SWAP70: variants seen among roughly 807,000 people sequenced by gnomAD.
The protein encoded by SWAP70 is switch-associated protein 70.
In SWAP70, 34 loss-of-function variants were observed where a neutral mutation model predicts 80.2. The observed-to-expected ratio is 0.42, with a 90% CI of 0.32 to 0.56. The LOEUF is 0.56. Among genes scored for constraint, SWAP70 ranks in the 20% least tolerant of loss-of-function variants. The pLI is 0.09. For synonymous variants in SWAP70, 239 were observed against 238.5 expected, an observed-to-expected ratio of 1.00 and a Z score of -0.02; for missense variants, 578 against 690.7, an observed-to-expected ratio of 0.84 and a Z score of 1.83.
chr11:9,664,322 G>A, intron 1 of SWAP70, 44 bp downstream of exon 1: 1 of 1,535,884 alleles, frequency 6.5e-7, no homozygotes, highest in Middle Eastern at 1.9e-4. Context: ...CCTCCCCGGC[G>A]CGCTCTGTAC....
chr11:9,704,132 TCCCA>T (rs1850868842), intron 2 of SWAP70, among the ~76,000 whole-genome samples: 2 of 152,184 alleles, frequency 1.3e-5, no homozygotes, highest in African/African-American at 4.8e-5. Context: ...TCTGAGAATT[TCCCA>T]GTATGTTCTA....
rs1233891469 is a variant in SWAP70, at chr11:9,675,334, A to C, written c.99+11056A>C. On this transcript the variant is annotated intron_variant, in intron 1 of 11. Transcript: ENST00000318950. ...CAGAGAGGGAGCGAGAGAGAGAGAGAGAGAGAGGGAGCGAGAGAGAGAGAG... is the reference window on the plus strand; with the variant it reads ...CAGAGAGGGAGCGAGAGAGAGAGAGCGAGAGAGGGAGCGAGAGAGAGAGAG... 3.1e-4 allele frequency among the ~76,000 whole-genome samples: 22 copies of C among 70,256 alleles called. 4 individuals are homozygous for C. Among genetic ancestry groups the C allele is most frequent in the South Asian group, 8.9e-4 (1 of 1,126 alleles). 46.1% of individuals were successfully genotyped at this position (70,256 alleles called of 152,430 possible). A position where few individuals can be genotyped will look rare whatever the true frequency, so the allele number is the denominator to read the frequency against.
At chr11:9,746,819 G>A (rs760379737) in intron 9 of SWAP70, among the ~76,000 whole-genome samples, 2 of 152,264 alleles carry the variant, frequency 1.3e-5, no homozygotes, top group Non-Finnish European at 2.9e-5. Flanking sequence ...GAGGCAACGA[G>A]TGGTAGCCCA....
intron 9 of SWAP70, among the ~76,000 whole-genome samples, chr11:9,742,631 G>T (rs1054934429): frequency 6.6e-6 from 1 of 152,126 alleles, no homozygotes; most frequent in Non-Finnish European, 1.5e-5. Flanking sequence ...CACCACGCCC[G>T]GCCTAGTGGT....
intron 2 of SWAP70, among the ~76,000 whole-genome samples, chr11:9,710,996 T>TTTTTTTTA (rs1554986189): frequency 6.0e-5 from 9 of 148,904 alleles, no homozygotes; most frequent in Admixed American, 6.0e-4. Flanking sequence ...TGTTTTTTAT[T>TTTTTTTTA]TTTATTTATT....
Position 9,681,838 on chromosome 11 carries a change from G to T in SWAP70, c.100-12308G>T, listed in dbSNP as rs150646263. ...GAGACATTTGTCACTAACTTGAAAAGGATGTATGAAATTCCCCTGTGAGAA... is the reference window on the plus strand; with the variant it reads ...GAGACATTTGTCACTAACTTGAAAATGATGTATGAAATTCCCCTGTGAGAA... On this transcript the variant is annotated intron_variant, in intron 1 of 11. Transcript: ENST00000318950. Among the ~76,000 whole-genome samples the T allele has an allele frequency of 8.5e-3, 1,292 of 152,248 alleles. 22 individuals carry two copies. Among genetic ancestry groups the T allele is most frequent in the African/African-American group, 0.028 (1,181 of 41,542 alleles).
At chr11:9,675,320 C>CGAGAGAGAGA (rs111414369) in intron 1 of SWAP70, among the ~76,000 whole-genome samples, 3,231 of 31,462 alleles carry the variant, frequency 0.1, 1,044 homozygotes, top group South Asian at 0.24. Context: ...AGAGAGGGAG[C>CGAGAGAGAGA]GAGAGAGAGA....
intron 6 of SWAP70, among the ~76,000 whole-genome samples, chr11:9,731,757 A>T (rs1851301500): frequency 6.6e-6 from 1 of 152,210 alleles, no homozygotes; most frequent in Non-Finnish European, 1.5e-5. Context: ...GTATAGGCTT[A>T]TACTATCTCA....
chr11:9,678,543 CT>C (rs72123125), intron 1 of SWAP70, among the ~76,000 whole-genome samples: 1,397 of 77,160 alleles, frequency 0.018, 16 homozygotes, highest in African/African-American at 0.032. Flanking sequence ...CTCTGAGGTG[CT>C]TTTTTTTTTT....
intron 1 of SWAP70, among the ~76,000 whole-genome samples, chr11:9,693,098 T>A (rs1012197657): frequency 2.0e-5 from 3 of 152,178 alleles, no homozygotes; most frequent in Non-Finnish European, 2.9e-5. Context: ...TTAATGCAAA[T>A]GAAAGTATTT....
Position 9,690,858 on chromosome 11 carries a change from T to C in SWAP70, c.100-3288T>C, listed in dbSNP as rs1850689677. Among the ~76,000 whole-genome samples the C allele has an allele frequency of 3.3e-5, 5 of 152,096 alleles. No homozygotes were observed. The South Asian group carries it at 1.0e-3, about 32-fold the overall frequency. ...TTCCTCTTTTAGAAATACTGTTTCA[T>C]TGTTGCTTTATTCAGTTGGTTGTTT... On this transcript the variant is annotated intron_variant, in intron 1 of 11. Coordinates refer to ENST00000318950, the MANE Select transcript of SWAP70 (RefSeq NM_015055.4).
Position 9,713,245 on chromosome 11 carries a change from G to A in SWAP70, c.241-221G>A, listed in dbSNP as rs879163578. ...GAGGTCAGTATTTTATGTGCCAAGG[G>A]AGTGATATGGACAGATGTTGGTTCA... is the stretch of plus-strand genomic sequence containing the variant. On this transcript the variant is annotated intron_variant, in intron 2 of 11. Transcript: ENST00000318950. Among the ~76,000 whole-genome samples the A allele has an allele frequency of 3.3e-5, 5 of 152,204 alleles. No homozygotes were observed. In the South Asian group the frequency reaches 1.0e-3, roughly 32 times the overall value.
Position 9,728,192 on chromosome 11 carries a change from G to A in SWAP70, c.782G>A (p.Cys261Tyr). 6.2e-7 allele frequency: 1 copy of A among 1,605,960 alleles called. No homozygotes were observed. Among genetic ancestry groups the A allele is most frequent in the African/African-American group, 1.3e-5 (1 of 74,344 alleles). ...KGDILLDENCCVESLPDKDGK... is the reference protein window; with the variant it reads ...KGDILLDENCYVESLPDKDGK... ...GACATTCTCTTGGATGAAAATTGCT[G>A]TGTAGAGGTGAGTCTACTCTTACTT... Residue 261 changes from cysteine to tyrosine, a missense_variant, in exon 5 of 12, where the codon TGT (cysteine) becomes TAT (tyrosine). Physicochemically the swap from Cys to Tyr is radical, Grantham distance 194. Coordinates refer to ENST00000318950, the MANE Select transcript of SWAP70 (RefSeq NM_015055.4).
At chr11:9,708,000 C>G (rs12272046) in intron 2 of SWAP70, among the ~76,000 whole-genome samples, 2 of 151,754 alleles carry the variant, frequency 1.3e-5, no homozygotes, top group African/African-American at 4.8e-5. Context: ...GAAGTGTACC[C>G]TGCACCCAAT....
chr11:9,725,816 A>G (rs538208677), intron 4 of SWAP70, among the ~76,000 whole-genome samples: 1 of 152,102 alleles, frequency 6.6e-6, no homozygotes, highest in Non-Finnish European at 1.5e-5. Flanking sequence ...GTGATCCACC[A>G]GCCTTGGCCT....
At chr11:9,713,393 T>G in intron 2 of SWAP70, 73 bp from the exon 3 acceptor site, 1 of 1,443,646 alleles carries the variant, frequency 6.9e-7, no homozygotes, top group East Asian at 2.3e-5. Context: ...AGGCTTTGTC[T>G]TTCTATTTTA....
At chr11:9,690,767 T>G (rs940118885) in intron 1 of SWAP70, among the ~76,000 whole-genome samples, 5 of 151,954 alleles carry the variant, frequency 3.3e-5, no homozygotes, top group Admixed American at 3.3e-4. Context: ...AAAAAATACT[T>G]GAGATACTGT....
intron 1 of SWAP70, among the ~76,000 whole-genome samples, chr11:9,674,731 G>A (rs572741665): frequency 1.3e-5 from 2 of 152,094 alleles, no homozygotes; most frequent in Middle Eastern, 3.4e-3. Context: ...TTGGGAGGCC[G>A]AGGTGGGCGG....
intron 3 of SWAP70, among the ~76,000 whole-genome samples, chr11:9,722,816 T>TTG (rs1452492114): frequency 3.9e-5 from 6 of 152,188 alleles, no homozygotes; most frequent in Non-Finnish European, 8.8e-5. Context: ...CAGCCTATAT[T>TTG]TGCGTGGCAC....
Sources: gnomAD v4.1 joint callset for allele counts (sites outside exome capture counted in the v4.1 genomes callset) on GRCh38, gnomAD v4.1.1 for gene constraint, MANE v1.5 for transcripts, NCBI Gene and HGNC (gene_info 2026-07-23, HGNC 2026-07-21) for gene names.